The following PRKN variants were observed in gnomAD, a reference collection of about 807,000 sequenced individuals.
The protein encoded by PRKN is E3 ubiquitin-protein ligase parkin.
A neutral mutation model predicts 59.5 loss-of-function variants in PRKN; 56 were observed. That is an observed-to-expected ratio of 0.94 (90% CI 0.76 to 1.18). The LOEUF is 1.18. PRKN is among the 50% of genes most tolerant of loss of function. The pLI is 0.00. For missense variants in PRKN, 657 were observed against 596.4 expected, an observed-to-expected ratio of 1.10 and a Z score of -1.06; for synonymous variants, 250 against 222.1, an observed-to-expected ratio of 1.13 and a Z score of -1.12.
At chr6:161,751,124 C>A (rs1455729423) in intron 7 of PRKN, among the ~76,000 whole-genome samples, 1 of 152,064 alleles carries the variant, frequency 6.6e-6, no homozygotes, top group South Asian at 2.1e-4. Context: ...TTCAGTAGAA[C>A]CAATTAACAA....
At chr6:162,087,934 C>T (rs891377052) in intron 4 of PRKN, among the ~76,000 whole-genome samples, 3 of 152,108 alleles carry the variant, frequency 2.0e-5, no homozygotes, top group Non-Finnish European at 2.9e-5. Context: ...GTATGCACAG[C>T]GTGGACATTC....
At chr6:161,808,134 A>T (rs1283116223) in intron 6 of PRKN, among the ~76,000 whole-genome samples, 3 of 152,208 alleles carry the variant, frequency 2.0e-5, no homozygotes, top group African/African-American at 7.2e-5. Flanking sequence ...AGTATAAATG[A>T]TGAAGACAGG....
chr6:161,973,490 A>G (rs1246906591), intron 5 of PRKN, 73 bp from the exon 6 acceptor site: 1 of 813,020 alleles, frequency 1.2e-6, no homozygotes, highest in Non-Finnish European at 2.1e-6. Flanking sequence ...TTTCCACAGT[A>G]AACAATCTCT....
intron 1 of PRKN, among the ~76,000 whole-genome samples, chr6:162,584,380 TAAAC>T (rs1356835719): frequency 6.6e-6 from 1 of 152,070 alleles, no homozygotes; most frequent in Non-Finnish European, 1.5e-5. Context: ...CATTAGTCAA[TAAAC>T]AAAGTCAATT....
rs112850281 is a variant in PRKN, at chr6:162,727,710, A to T, written c.-42T>A. ...GCGGCTGCGGGCCAGGAACAGGCCC[A>T]TGCGCGCAGCGGCGCCAGCCGCGCC... is the stretch of plus-strand genomic sequence containing the variant. On this transcript the variant is annotated 5_prime_UTR_variant, in exon 1 of 12. The change abolishes an upstream ATG in the 5' untranslated region. Coordinates refer to ENST00000366898, the MANE Select transcript of PRKN (RefSeq NM_004562.3). The T allele has an allele frequency of 1.3e-6, 2 of 1,556,432 alleles. No homozygotes were observed. The highest frequency in any genetic ancestry group is 1.9e-5 in the Admixed American group (1 of 52,072).
chr6:161,501,635 G>A (rs1777968067), intron 9 of PRKN, among the ~76,000 whole-genome samples: 1 of 152,064 alleles, frequency 6.6e-6, no homozygotes, highest in African/African-American at 2.4e-5. Flanking sequence ...CAGCCCAGAT[G>A]TTCAAGTGGT....
At chr6:162,705,967 A>G (rs1031757308) in intron 1 of PRKN, among the ~76,000 whole-genome samples, 5 of 152,154 alleles carry the variant, frequency 3.3e-5, no homozygotes, top group African/African-American at 1.2e-4. Context: ...GGGCAGCAGA[A>G]ACACGGCTTT....
At chr6:161,837,974 A>G (rs1307298115) in intron 6 of PRKN, among the ~76,000 whole-genome samples, 1 of 152,210 alleles carries the variant, frequency 6.6e-6, no homozygotes, top group Non-Finnish European at 1.5e-5. Flanking sequence ...ACCTCAAGTC[A>G]TGAGAAGAAA....
At chr6:162,250,650 T>C (rs1328746648) in intron 3 of PRKN, among the ~76,000 whole-genome samples, 1 of 152,218 alleles carries the variant, frequency 6.6e-6, no homozygotes, top group Non-Finnish European at 1.5e-5. Context: ...TTCATCTATT[T>C]ATATCTGTTG....
At chr6:162,458,908 C>T (rs1562780553) in intron 1 of PRKN, among the ~76,000 whole-genome samples, 1 of 152,130 alleles carries the variant, frequency 6.6e-6, no homozygotes, top group Non-Finnish European at 1.5e-5. Flanking sequence ...GCAACCTCTG[C>T]CTCCCAGGCT....
intron 7 of PRKN, among the ~76,000 whole-genome samples, chr6:161,754,886 G>A (rs1185591783): frequency 6.6e-6 from 1 of 152,150 alleles, no homozygotes; most frequent in Non-Finnish European, 1.5e-5. Context: ...GAGACACTTA[G>A]GAAAGCACAA....
rs770262320 is a variant in PRKN, at chr6:161,445,129, G to A, written c.1084-58252C>T. Among the ~76,000 whole-genome samples, 2 of 152,104 alleles carry A rather than the reference G, an allele frequency of 1.3e-5. No individual in the cohort carries two copies. The highest frequency in any genetic ancestry group is 2.9e-5 in the Non-Finnish European group (2 of 68,032). On this transcript the variant is annotated intron_variant, in intron 9 of 11. Transcript: ENST00000366898. The surrounding 1 kb of genome is among the most constrained non-coding windows in gnomAD (Gnocchi z 7.7). ...AAAACCCATAATTCTTGAACTTGAC[G>A]TGCTCAGCCTCTCCAAAGCCGCGGC...
chr6:162,157,227 T>C (rs1782551657), intron 4 of PRKN, among the ~76,000 whole-genome samples: 1 of 152,068 alleles, frequency 6.6e-6, no homozygotes, highest in Admixed American at 6.6e-5. Flanking sequence ...CTGTACCCTG[T>C]GCTCCAGCTC....
At chr6:161,841,413 A>G (rs1278557183) in intron 6 of PRKN, among the ~76,000 whole-genome samples, 1 of 150,706 alleles carries the variant, frequency 6.6e-6, no homozygotes, top group African/African-American at 2.4e-5. Context: ...GCACTGGCGT[A>G]ATCTCTGCTC....
intron 1 of PRKN, among the ~76,000 whole-genome samples, chr6:162,590,585 T>C (rs1483484406): frequency 3.3e-5 from 5 of 152,268 alleles, no homozygotes; most frequent in African/African-American, 9.6e-5. Flanking sequence ...TTGAATGGGA[T>C]TGCAACCTAA....
rs989414457 is a variant in PRKN, at chr6:161,525,658, T to C, written c.1083+23196A>G. Among the ~76,000 whole-genome samples the C allele has an allele frequency of 7.2e-5, 11 of 152,306 alleles. No homozygotes were observed. The highest frequency in any genetic ancestry group is 2.6e-4 in the Admixed American group (4 of 15,304). On this transcript the variant is annotated intron_variant, in intron 9 of 11. Transcript: ENST00000366898. The surrounding 1 kb of genome is among the most constrained non-coding windows in gnomAD (Gnocchi z 4.7). ...AAATATGAACAGAGACAAGAGAACCTACCTGCACTTAGTATCCCTGTACTT... is the reference window on the plus strand; with the variant it reads ...AAATATGAACAGAGACAAGAGAACCCACCTGCACTTAGTATCCCTGTACTT...
At chr6:162,227,088 TATCTAC>T (rs1281340478) in intron 3 of PRKN, among the ~76,000 whole-genome samples, 1 of 152,218 alleles carries the variant, frequency 6.6e-6, no homozygotes, top group Non-Finnish European at 1.5e-5. Flanking sequence ...CCAGTGTATA[TATCTAC>T]ATTTAACTTT....
intron 3 of PRKN, among the ~76,000 whole-genome samples, chr6:162,227,467 A>G (rs1287608687): frequency 6.6e-6 from 1 of 152,102 alleles, no homozygotes; most frequent in Admixed American, 6.6e-5. Flanking sequence ...AAACATATCC[A>G]ATTATAGTTT....
intron 1 of PRKN, among the ~76,000 whole-genome samples, chr6:162,700,882 T>A (rs1340704288): frequency 6.6e-6 from 1 of 152,146 alleles, no homozygotes; most frequent in Non-Finnish European, 1.5e-5. Context: ...GTCCTTTTGG[T>A]ACATAAGCAA....
Sources: allele counts gnomAD v4.1 joint callset (sites outside exome capture counted in the v4.1 genomes callset), GRCh38; gene constraint gnomAD v4.1.1; non-coding constraint Gnocchi (gnomAD v3.1); transcripts MANE v1.5; gene names NCBI Gene and HGNC (gene_info 2026-07-23, HGNC 2026-07-21).